The following TULP4 variants were observed in gnomAD, a reference collection of about 807,000 sequenced individuals.
The protein encoded by TULP4 is TUB like protein 4, also known as tubby-related protein 4.
Under a neutral mutation model 129.0 loss-of-function variants are expected in TULP4, and 16 were observed. The observed-to-expected ratio is 0.12, with a 90% CI of 0.08 to 0.19. The LOEUF (loss-of-function observed/expected upper bound fraction) is 0.19, where lower values mean the gene tolerates loss of function less well. Ranked by LOEUF, TULP4 falls within the 10% of genes least tolerant of loss-of-function variation. The pLI is 1.00. For synonymous variants in TULP4, 998 were observed against 854.0 expected, an observed-to-expected ratio of 1.17 and a Z score of -2.94; for missense variants, 1,842 against 2,059.1, an observed-to-expected ratio of 0.89 and a Z score of 2.04.
At chr6:158,304,320 T>G (rs1198354920) in intron 1 of TULP4, among the ~76,000 whole-genome samples, 1 of 152,164 alleles carries the variant, frequency 6.6e-6, no homozygotes, top group Non-Finnish European at 1.5e-5. Context: ...TTAATTCAAT[T>G]AGACACATGT....
chr6:158,348,172 G>GTTT lies in TULP4; in HGVS notation c.252+33904_252+33905insTTT, dbSNP rs1294845534. On this transcript the variant is annotated intron_variant, in intron 1 of 13. Transcript: ENST00000367097. ...GTTTTGGTCTTTTTTTTTTTTTTAA[G>GTTT]GTTTTTTTTTTTTTTTAGTATTTAT... Among the ~76,000 whole-genome samples the GTTT allele has an allele frequency of 9.7e-4, 55 of 56,548 alleles. 4 individuals are homozygous for GTTT. The highest frequency in any genetic ancestry group is 0.013 in the Middle Eastern group (2 of 150). The allele number at this position is 56,548 out of a possible 152,430, so 37.1% of individuals were successfully genotyped here.
chr6:158,356,421 T>C (rs867939229), intron 1 of TULP4, among the ~76,000 whole-genome samples: 2 of 152,186 alleles, frequency 1.3e-5, no homozygotes, highest in Non-Finnish European at 2.9e-5. Flanking sequence ...ACTGCAAAGA[T>C]GTCAAGATCA....
At chr6:158,292,111 A>G (rs1370537799) in intron 1 of TULP4, among the ~76,000 whole-genome samples, 3 of 152,182 alleles carry the variant, frequency 2.0e-5, no homozygotes, top group Admixed American at 1.3e-4. Flanking sequence ...TGCAGCTAAG[A>G]TTTGTATTTG....
chr6:158,255,711 T>C (rs1778229900), intron 1 of TULP4, among the ~76,000 whole-genome samples: 1 of 152,222 alleles, frequency 6.6e-6, no homozygotes, highest in South Asian at 2.1e-4. Flanking sequence ...CAGTGCACCA[T>C]GCTTGGCACC....
intron 1 of TULP4, among the ~76,000 whole-genome samples, chr6:158,235,342 C>T (rs1322685280): frequency 1.3e-5 from 2 of 152,154 alleles, no homozygotes; most frequent in African/African-American, 4.8e-5. Flanking sequence ...CTCCCTGCAG[C>T]CCCTGGAAAC....
At chr6:158,461,804 A>G (rs587385) in intron 6 of TULP4, 75 bp downstream of exon 6, 520,675 of 1,474,606 alleles carry the variant, frequency 0.35, 95,426 homozygotes, top group African/African-American at 0.56. Flanking sequence ...TATTGTTGAC[A>G]AATTTTATTT....
chr6:158,405,153 A>G (rs948861955), intron 1 of TULP4, among the ~76,000 whole-genome samples: 1 of 152,252 alleles, frequency 6.6e-6, no homozygotes, highest in African/African-American at 2.4e-5. Context: ...GCTGAAATAC[A>G]TTGTTTAAAT....
chr6:158,343,106 G>A (rs369440674), intron 1 of TULP4, among the ~76,000 whole-genome samples: 1 of 152,032 alleles, frequency 6.6e-6, no homozygotes, highest in Non-Finnish European at 1.5e-5. Context: ...GCCTCCAGGA[G>A]GAGTAGGAGT....
intron 3 of TULP4, among the ~76,000 whole-genome samples, chr6:158,445,849 T>G (rs1329758135): frequency 6.6e-6 from 1 of 152,042 alleles, no homozygotes; most frequent in Non-Finnish European, 1.5e-5. Flanking sequence ...GATGTGAGAG[T>G]CTGGGGCTCA....
intron 1 of TULP4, among the ~76,000 whole-genome samples, chr6:158,378,485 T>TTGTTGG (rs1554285635): frequency 1.9e-5 from 1 of 51,288 alleles, no homozygotes; most frequent in Admixed American, 2.6e-4. Flanking sequence ...TTTTTTTTTT[T>TTGTTGG]GGTGGGGGTG....
intron 1 of TULP4, among the ~76,000 whole-genome samples, chr6:158,339,630 G>T (rs1780133015): frequency 1.3e-5 from 2 of 152,184 alleles, no homozygotes; most frequent in East Asian, 1.9e-4. Flanking sequence ...ACTGGGGAAA[G>T]AATTCAGCAA....
intron 1 of TULP4, among the ~76,000 whole-genome samples, chr6:158,253,503 G>T (rs6913401): frequency 2.0e-5 from 3 of 151,952 alleles, no homozygotes; most frequent in South Asian, 2.1e-4. Flanking sequence ...ATGTCAGGTG[G>T]GCTACCTGGT....
intron 1 of TULP4, among the ~76,000 whole-genome samples, chr6:158,338,044 A>T (rs1427953048): frequency 6.6e-6 from 1 of 152,184 alleles, no homozygotes; most frequent in African/African-American, 2.4e-5. Context: ...AAGGGTAGGT[A>T]CAATTTAGGG....
Position 158,312,727 on chromosome 6 carries a change from T to G in TULP4, c.-1290T>G, listed in dbSNP as rs940900571. 6.6e-6 allele frequency: 1 copy of G among 152,214 alleles called. No homozygotes were observed. The highest frequency in any genetic ancestry group is 2.4e-5 in the African/African-American group (1 of 41,458). The allele number at this position is 152,214 out of a possible 1,614,324, so 9.4% of individuals were successfully genotyped here. A position where few individuals can be genotyped will look rare whatever the true frequency, so the allele number is the denominator to read the frequency against. The stretch of plus-strand genomic sequence containing the variant: ...TAGGATAATATTGTAAAATAGCAAT[T>G]GAAACCAATAATTATTAAATAAATA... On this transcript the variant is annotated 5_prime_UTR_variant, in exon 1 of 14. The change creates a new upstream start codon in the 5' untranslated region. Coordinates refer to ENST00000367097, the MANE Select transcript of TULP4 (RefSeq NM_020245.5).
intron 3 of TULP4, among the ~76,000 whole-genome samples, chr6:158,432,244 C>A (rs1740285208): frequency 6.6e-6 from 1 of 152,002 alleles, no homozygotes; most frequent in Non-Finnish European, 1.5e-5. Flanking sequence ...ACTCCTCCTC[C>A]TGTCTCTACC....
Position 158,314,204 on chromosome 6 carries a change from A to G in TULP4, c.188A>G (p.His63Arg), listed in dbSNP as rs747512159. ...GTTGGGGTGACTTTCACCTCTAGTC[A>G]CTGTCGCAGGGACAGGAGTACTCCA... ...GVVGVTFTSS[H>R]CRRDRSTPQR... Residue 63 changes from histidine (H) to arginine (R), a missense_variant, in exon 1 of 14, where the codon CAC becomes CGC. Coordinates refer to ENST00000367097, the MANE Select transcript of TULP4 (RefSeq NM_020245.5). 1 of 1,614,112 alleles carries G rather than the reference A, an allele frequency of 6.2e-7. No individual in the cohort carries two copies. Among genetic ancestry groups the G allele is most frequent in the Non-Finnish European group, 8.5e-7 (1 of 1,180,010 alleles).
chr6:158,362,155 G>A (rs1780805812), intron 1 of TULP4, among the ~76,000 whole-genome samples: 1 of 152,072 alleles, frequency 6.6e-6, no homozygotes, highest in African/African-American at 2.4e-5. Flanking sequence ...TCTTGCCCAG[G>A]GATATGAACC....
At position 158,511,437 on chromosome 6, in the gene TULP4, C is replaced by A. The variant is rs981646041; in HGVS notation, c.*4743C>A. 3 of 151,972 alleles carry A rather than the reference C, an allele frequency of 2.0e-5. No individual in the cohort carries two copies. Among genetic ancestry groups the A allele is most frequent in the African/African-American group, 7.3e-5 (3 of 41,172 alleles). 9.4% of individuals were successfully genotyped at this position (151,972 alleles called of 1,614,324 possible). ...AGTGCACGATGCAGGTGCATAGGCC[C>A]CAGACCAAACTAGACCACCAGCATG... On this transcript the variant is annotated 3_prime_UTR_variant, in exon 14 of 14. Coordinates refer to ENST00000367097, the MANE Select transcript of TULP4 (RefSeq NM_020245.5).
rs145080677 is a variant in TULP4, at chr6:158,413,190, G to T, written c.378G>T (p.Ala126=). ...TGGAGCTGGTCAACGACCGCGGGGC[G>T]CAGGTGAGTGGCAGGCGCAGCTCTG... The part of the protein sequence containing the change: ...WSVELVNDRG[A]QVSDFTWSHD... The change falls in exon 2 of 14, where the codon GCG becomes GCT. Residue 126 remains alanine, a synonymous_variant. Transcript: ENST00000367097. The surrounding 1 kb of genome is among the most constrained non-coding windows in gnomAD (Gnocchi z 4.9). The T allele has an allele frequency of 6.2e-7, 1 of 1,611,058 alleles. No individual in the cohort carries two copies. The highest frequency in any genetic ancestry group is 1.3e-5 in the African/African-American group (1 of 75,008).
Sources: allele counts gnomAD v4.1 joint callset (sites outside exome capture counted in the v4.1 genomes callset), GRCh38; gene constraint gnomAD v4.1.1; non-coding constraint Gnocchi (gnomAD v3.1); transcripts MANE v1.5; gene names NCBI Gene and HGNC (gene_info 2026-07-23, HGNC 2026-07-21).